Variants in BPNT2 observed in about 807,000 individuals in gnomAD.
BPNT2 encodes the protein Golgi-resident adenosine 3',5'-bisphosphate 3'-phosphatase.
BPNT2 carries 11 observed loss-of-function variants against 29.3 expected under a neutral mutation model. The observed-to-expected ratio is 0.38, with a 90% CI of 0.24 to 0.62. BPNT2 has a LOEUF of 0.62. Ranked by LOEUF, BPNT2 falls within the 20% of genes least tolerant of loss-of-function variation. The pLI is 0.62. For synonymous variants in BPNT2, 195 were observed against 187.7 expected (o/e 1.04, Z -0.32); for missense variants, 459 against 473.4 (o/e 0.97, Z 0.28).
In BPNT2 at chr8:56,963,418, T is replaced by A. The variant is rs1409480569; in HGVS notation, c.*375A>T. ...GTTATATTAAACATCTACACAAAAA[T>A]CAATCTTTCCTTCAACCGAATTCTA... On this transcript the variant is annotated 3_prime_UTR_variant, in exon 5 of 5. Transcript: ENST00000262644. 1 of 184,536 alleles carries A rather than the reference T, an allele frequency of 5.4e-6. No homozygotes were observed. The highest frequency in any genetic ancestry group is 5.7e-5 in the Admixed American group (1 of 17,498). 11.4% of individuals were successfully genotyped at this position (184,536 alleles called of 1,614,324 possible).
intron 3 of BPNT2, among the ~76,000 whole-genome samples, chr8:56,969,593 A>T (rs952943129): frequency 6.6e-6 from 1 of 152,212 alleles, no homozygotes; most frequent in African/African-American, 2.4e-5. Context: ...ATCAAAAAAA[A>T]ACAACTGTCT....
intron 1 of BPNT2, among the ~76,000 whole-genome samples, chr8:56,987,166 C>T (rs1387302036): frequency 6.6e-6 from 1 of 152,108 alleles, no homozygotes; most frequent in Non-Finnish European, 1.5e-5. Context: ...TGGTTAATGC[C>T]TTAAGAAGGA....
chr8:56,993,772 A>C lies in BPNT2; in HGVS notation c.-187T>G. 38 of 715,178 alleles carry C rather than the reference A, an allele frequency of 5.3e-5. No individual in the cohort carries two copies. Among genetic ancestry groups the C allele is most frequent in the East Asian group, 1.3e-4 (1 of 7,820 alleles). The allele number at this position is 715,178 out of a possible 1,614,324, so 44.3% of individuals were successfully genotyped here. The stretch of plus-strand genomic sequence containing the variant: ...CCGAGTTGCGCCGCGAAGACCACCA[A>C]CGCCGCCCCGCGCGCCTGACTCGCC... On this transcript the variant is annotated 5_prime_UTR_variant, in exon 1 of 5. Coordinates refer to ENST00000262644, the MANE Select transcript of BPNT2 (RefSeq NM_017813.5).
chr8:56,980,207 A>G lies in BPNT2; in HGVS notation c.388-10T>C, dbSNP rs781165634. On this transcript the variant is annotated splice_polypyrimidine_tract_variant and intron_variant, in intron 1 of 4. Transcript: ENST00000262644. ...GTTCCTCAGTATTAATCTGCATTAAAAACAGGTGACAGTTAAAAAAAGTAA... is the reference window on the plus strand; with the variant it reads ...GTTCCTCAGTATTAATCTGCATTAAGAACAGGTGACAGTTAAAAAAAGTAA... 10 of 1,611,856 alleles carry G rather than the reference A, an allele frequency of 6.2e-6. No individual in the cohort carries two copies. The Admixed American group carries it at 1.3e-4, about 21-fold the overall frequency.
chr8:56,964,274 CA>C, intron 4 of BPNT2: 2 of 476,270 alleles, frequency 4.2e-6, no homozygotes, highest in Non-Finnish European at 3.7e-6. Flanking sequence ...AAATACATTG[CA>C]AAGTAACTTA....
chr8:56,982,326 T>C (rs1806258978), intron 1 of BPNT2, among the ~76,000 whole-genome samples: 1 of 152,196 alleles, frequency 6.6e-6, no homozygotes, highest in South Asian at 2.1e-4. Context: ...TTTCACCGTG[T>C]TGGCCAGGAT....
rs1396115 is a variant in BPNT2 at position 56,961,505 on chromosome 8, C to G, written c.*2288G>C. ...AATGTATTTAACTCTCAACCAATAC[C>G]TTAAGTTTTGCACACAACACACACC... On this transcript the variant is annotated 3_prime_UTR_variant, in exon 5 of 5. Transcript: ENST00000262644. 2 of 151,918 alleles carry G rather than the reference C, an allele frequency of 1.3e-5. No homozygotes were observed. Among genetic ancestry groups the G allele is most frequent in the Non-Finnish European group, 2.9e-5 (2 of 68,006 alleles). 9.4% of individuals were successfully genotyped at this position (151,918 alleles called of 1,614,324 possible).
In BPNT2 at chr8:56,993,610, G is replaced by T. The variant is rs1585571964; in HGVS notation, c.-25C>A. On this transcript the variant is annotated 5_prime_UTR_variant, in exon 1 of 5. Transcript: ENST00000262644. The stretch of plus-strand genomic sequence containing the variant: ...TGGCGTGGGAAGCCGGGCGCTCCGG[G>T]CTGCGGCTCTCACAGGCCTCCAGCG... 7.2e-7 allele frequency: 1 copy of T among 1,395,402 alleles called. No homozygotes were observed. The allele number at this position is 1,395,402 out of a possible 1,614,324, so 86.4% of individuals were successfully genotyped here.
chr8:56,989,443 T>C (rs562925269), intron 1 of BPNT2, among the ~76,000 whole-genome samples: 465 of 152,222 alleles, frequency 3.1e-3, no homozygotes, highest in African/African-American at 0.01. Flanking sequence ...CAAGTCTTTA[T>C]CTGAAAAACA....
Position 56,993,432 on chromosome 8 carries a change from GC to G in BPNT2, c.153del (p.Ala53ArgfsTer29). 1.4e-6 allele frequency: 2 copies of G among 1,478,478 alleles called. No individual in the cohort carries two copies. The highest frequency in any genetic ancestry group is 8.9e-7 in the Non-Finnish European group (1 of 1,121,442). The allele number at this position is 1,478,478 out of a possible 1,614,324, so 91.6% of individuals were successfully genotyped here. A position where few individuals can be genotyped will look rare whatever the true frequency, so the allele number is the denominator to read the frequency against. On this transcript the variant is annotated frameshift_variant, in exon 1 of 5. Coordinates refer to ENST00000262644, the MANE Select transcript of BPNT2 (RefSeq NM_017813.5). LOFTEE classifies it high-confidence loss of function. ...LGGEPGGGAA[G>X]PAAAADGGTV... ...GTGCCCCCATCGGCCGCGGCCGCGG[GC>G]CCCGCCGCGCCGCCGCCAGGCTCGC...
chr8:56,977,522 T>C (rs1216507302), intron 3 of BPNT2, among the ~76,000 whole-genome samples: 6 of 152,210 alleles, frequency 3.9e-5, no homozygotes, highest in Admixed American at 3.9e-4. Flanking sequence ...CTTAACTTTC[T>C]GGGTTGTTAT....
rs1481069506 is a variant in BPNT2, at chr8:56,962,857, GTTCAA to G, written c.*931_*935del. The G allele has an allele frequency of 2.0e-5, 3 of 152,080 alleles. No homozygotes were observed. Among genetic ancestry groups the G allele is most frequent in the African/African-American group, 7.2e-5 (3 of 41,408 alleles). 9.4% of individuals were successfully genotyped at this position (152,080 alleles called of 1,614,324 possible). ...AAGTGTCTGAAGATAATGAAAGGCA[GTTCAA>G]TTCATGTAATGTCAAGTAACTTTCA... On this transcript the variant is annotated 3_prime_UTR_variant, in exon 5 of 5. Coordinates refer to ENST00000262644, the MANE Select transcript of BPNT2 (RefSeq NM_017813.5).
chr8:56,974,896 G>A (rs1191422679), intron 3 of BPNT2, among the ~76,000 whole-genome samples: 1 of 152,008 alleles, frequency 6.6e-6, no homozygotes, highest in Non-Finnish European at 1.5e-5. Context: ...CCTCTAATAC[G>A]TACAGATGTG....
chr8:56,992,609 A>T (rs1258897969), intron 1 of BPNT2, among the ~76,000 whole-genome samples: 3 of 152,076 alleles, frequency 2.0e-5, no homozygotes, highest in East Asian at 1.9e-4. Flanking sequence ...ATTTCTAAGT[A>T]CCTCCTTAAA....
In BPNT2 at chr8:56,993,648, G is replaced by C. The variant is rs1421814759; in HGVS notation, c.-63C>G. 1 of 1,186,390 alleles carries C rather than the reference G, an allele frequency of 8.4e-7. No individual in the cohort carries two copies. The highest frequency in any genetic ancestry group is 3.9e-5 in the East Asian group (1 of 25,632). 73.5% of individuals were successfully genotyped at this position (1,186,390 alleles called of 1,614,324 possible). On this transcript the variant is annotated 5_prime_UTR_variant, in exon 1 of 5. Coordinates refer to ENST00000262644, the MANE Select transcript of BPNT2 (RefSeq NM_017813.5). ...CAGGCCTCCAGCGCCCGCCGCCGCC[G>C]CCGCCGCAGCCGCCGCGCTCCGGGC...
intron 1 of BPNT2, among the ~76,000 whole-genome samples, chr8:56,980,819 T>TATATACACACACAC (rs755705861): frequency 5.3e-4 from 75 of 141,504 alleles, no homozygotes; most frequent in African/African-American, 1.9e-3. Context: ...TACATACATA[T>TATATACACACACAC]ACACACACAC....
rs1806230887 is a variant in BPNT2 at position 56,980,891 on chromosome 8, AT to A, written c.388-695del. On this transcript the variant is annotated intron_variant, in intron 1 of 4. Transcript: ENST00000262644. ...CATATATATTCTCTCTGTATAATATATATTATATATTATTTCTACATATAAC... is the reference window on the plus strand; with the variant it reads ...CATATATATTCTCTCTGTATAATATAATTATATATTATTTCTACATATAAC... Among the ~76,000 whole-genome samples the A allele has an allele frequency of 7.3e-5, 11 of 150,306 alleles. No individual in the cohort carries two copies. The Admixed American group carries it at 7.3e-4, about 10-fold the overall frequency.
chr8:56,976,352 C>T lies in BPNT2; in HGVS notation c.646+1698G>A, dbSNP rs368805319. Among the ~76,000 whole-genome samples the T allele has an allele frequency of 2.0e-4, 31 of 152,244 alleles. No individual in the cohort carries two copies. In the East Asian group the frequency reaches 4.4e-3, roughly 22 times the overall value. On this transcript the variant is annotated intron_variant, in intron 3 of 4. Coordinates refer to ENST00000262644, the MANE Select transcript of BPNT2 (RefSeq NM_017813.5). Reference sequence around the variant, plus strand: ...AAAAATAAACTACTTTGTATTCAACCTCATATATTTTGGTGTACATTACAG... The same window carrying T: ...AAAAATAAACTACTTTGTATTCAACTTCATATATTTTGGTGTACATTACAG...
chr8:56,986,949 T>C (rs1351070742), intron 1 of BPNT2, among the ~76,000 whole-genome samples: 7 of 152,184 alleles, frequency 4.6e-5, no homozygotes, highest in Non-Finnish European at 8.8e-5. Flanking sequence ...TATTTAAAGA[T>C]TTTATTTAAT....
Sources: allele counts gnomAD v4.1 joint callset (sites outside exome capture counted in the v4.1 genomes callset), GRCh38; gene constraint gnomAD v4.1.1; transcripts MANE v1.5; gene names NCBI Gene and HGNC (gene_info 2026-07-23, HGNC 2026-07-21).